Variants in DMXL2 observed in about 807,000 individuals in gnomAD.
DMXL2 encodes dmX-like protein 2.
In DMXL2, 103 loss-of-function variants were observed where a neutral mutation model predicts 331.1. The observed-to-expected ratio is 0.31, with a 90% CI of 0.27 to 0.37. The LOEUF (loss-of-function observed/expected upper bound fraction) is 0.37. DMXL2 is among the 10% of genes least tolerant of loss of function. The pLI is 1.00. For synonymous variants in DMXL2, 1,281 were observed against 1,252.1 expected, an observed-to-expected ratio of 1.02 and a Z score of -0.49; for missense variants, 3,171 against 3,642.9, an observed-to-expected ratio of 0.87 and a Z score of 3.33.
chr15:51,579,217 T>G (rs1300593393), intron 1 of DMXL2, among the ~76,000 whole-genome samples: 2 of 152,196 alleles, frequency 1.3e-5, no homozygotes, highest in African/African-American at 2.4e-5. Flanking sequence ...TGGTGCTAGT[T>G]TCCTGTTGAA....
intron 1 of DMXL2, among the ~76,000 whole-genome samples, chr15:51,598,731 C>A (rs1037493777): frequency 1.8e-4 from 28 of 152,144 alleles, no homozygotes; most frequent in Admixed American, 6.5e-5. Flanking sequence ...TAGCAATGTT[C>A]TTATTGCATT....
At chr15:51,456,004 C>T in intron 39 of DMXL2, 62 bp downstream of exon 39, 1 of 1,584,572 alleles carries the variant, frequency 6.3e-7, no homozygotes, top group Non-Finnish European at 8.6e-7. Context: ...ACTTTTATCA[C>T]TTACTCCTAA....
chr15:51,482,207 G>C (rs1306076774), intron 23 of DMXL2, among the ~76,000 whole-genome samples: 1 of 152,076 alleles, frequency 6.6e-6, no homozygotes, highest in Non-Finnish European at 1.5e-5. Flanking sequence ...ACTCTAAAAA[G>C]TGAGTTAAAA....
At chr15:51,516,295 G>A (rs2047032219) in intron 14 of DMXL2, among the ~76,000 whole-genome samples, 1 of 152,188 alleles carries the variant, frequency 6.6e-6, no homozygotes, top group Non-Finnish European at 1.5e-5. Flanking sequence ...CTAGGGAGAA[G>A]GGTTCTCCTT....
intron 3 of DMXL2, among the ~76,000 whole-genome samples, chr15:51,566,442 T>C (rs2050297650): frequency 6.6e-6 from 1 of 152,158 alleles, no homozygotes; most frequent in Non-Finnish European, 1.5e-5. Context: ...ATTAAATAAT[T>C]CCTAAAATTA....
intron 13 of DMXL2, among the ~76,000 whole-genome samples, chr15:51,517,832 G>A (rs2047121628): frequency 6.6e-6 from 1 of 152,198 alleles, no homozygotes; most frequent in Non-Finnish European, 1.5e-5. Flanking sequence ...GTACAAGGTA[G>A]GGAGATATAA....
chr15:51,491,691 T>A lies in DMXL2; in HGVS notation c.4840A>T (p.Ile1614Phe), dbSNP rs1431258097. 8 of 1,613,448 alleles carry A rather than the reference T, an allele frequency of 5.0e-6. No individual in the cohort carries two copies. Among genetic ancestry groups the A allele is most frequent in the Non-Finnish European group, 6.8e-6 (8 of 1,179,860 alleles). ...CTCTGAATTGCTGGAATCATATTAA[T>A]CAGTTCTTCTTCAGCCTCAGAATGA... ...AFHSEAEEEL[I>F]NMIPAIQRGD... Residue 1614 changes from isoleucine to phenylalanine, a missense_variant, in exon 20 of 44, where the codon ATT becomes TTT. By Grantham distance (21) the Ile-to-Phe change is conservative. This residue lies in a region of DMXL2 where 252 missense variants were observed against 387.4 expected (regional missense o/e 0.65). Coordinates refer to ENST00000560891, the MANE Select transcript of DMXL2 (RefSeq NM_001378457.1).
Position 51,491,743 on chromosome 15 carries a change from G to A in DMXL2, c.4788C>T (p.Val1596=). The part of the protein sequence containing the change: ...LYRVQLLHQG[V]STCHFAWAFH... ...AAGCCCAGGCAAAATGGCATGTAGA[G>A]ACACCTAAATTGGAAATATAAAATA... Residue 1596 remains valine (V), a synonymous_variant, in exon 20 of 44, where the codon GTC becomes GTT. Transcript: ENST00000560891. 6.3e-7 allele frequency: 1 copy of A among 1,591,878 alleles called. No individual in the cohort carries two copies. The highest frequency in any genetic ancestry group is 2.2e-5 in the East Asian group (1 of 44,606).
chr15:51,569,218 T>A (rs576373321), intron 2 of DMXL2, among the ~76,000 whole-genome samples: 19 of 152,248 alleles, frequency 1.2e-4, no homozygotes, highest in Admixed American at 9.2e-4. Flanking sequence ...TATCACAGCA[T>A]CTGAGGTTGA....
chr15:51,466,189 G>A lies in DMXL2; in HGVS notation c.7515C>T (p.Ser2505=). The A allele has an allele frequency of 6.4e-7, 1 of 1,556,684 alleles. No individual in the cohort carries two copies. Residue 2505 remains serine, a synonymous_variant, in exon 30 of 44, where the codon TCC becomes TCT. Coordinates refer to ENST00000560891, the MANE Select transcript of DMXL2 (RefSeq NM_001378457.1). ...GAAAGAAAAGTCTTATTTACCTATA[G>A]GAATTTGGATCTTGGTGCTCCTGTA... ...TQIQEHQDPN[S]YSWALLHLTM...
intron 1 of DMXL2, among the ~76,000 whole-genome samples, chr15:51,607,680 C>T (rs1381896608): frequency 1.3e-5 from 2 of 152,008 alleles, no homozygotes; most frequent in African/African-American, 4.8e-5. Context: ...ATAGACCAAA[C>T]ACAGCAAAAC....
At chr15:51,576,205 T>TAAAAAAAAAAAAAAAAAAAAAAAA (rs1209300859) in intron 1 of DMXL2, 24 bp from the exon 2 acceptor site, 1 of 693,258 alleles carries the variant, frequency 1.4e-6, no homozygotes, top group African/African-American at 3.8e-5. Flanking sequence ...AAAAAAAAAG[T>TAAAAAAAAAAAAAAAAAAAAAAAA]TTTACAATAC....
intron 14 of DMXL2, among the ~76,000 whole-genome samples, chr15:51,515,681 C>T (rs1359374553): frequency 2.0e-5 from 3 of 151,962 alleles, no homozygotes; most frequent in African/African-American, 4.8e-5. Flanking sequence ...GTTTACCAGC[C>T]CCTGTGTTAA....
rs1302933024 is a variant in DMXL2, at chr15:51,545,855, C to A, written c.747-89G>T. ...TTTGGTTCTTCATGCATAAAGATAA[C>A]ATTAGTGCAAAACACTATGGAAAAA... On this transcript the variant is annotated intron_variant, in intron 7 of 43. Transcript: ENST00000560891. 4 of 1,071,282 alleles carry A rather than the reference C, an allele frequency of 3.7e-6. No homozygotes were observed. The African/African-American group carries it at 4.8e-5, about 13-fold the overall frequency. The allele number at this position is 1,071,282 out of a possible 1,614,324, so 66.4% of individuals were successfully genotyped here. A position where few individuals can be genotyped will look rare whatever the true frequency, so the allele number is the denominator to read the frequency against.
intron 13 of DMXL2, among the ~76,000 whole-genome samples, chr15:51,521,470 G>GTA (rs1430786515): frequency 0.011 from 1,710 of 148,872 alleles, 37 homozygotes; most frequent in African/African-American, 0.04. Flanking sequence ...TAGTGGTAGT[G>GTA]GTAGTAGTAG....
At chr15:51,469,204 T>C (rs901923786) in intron 29 of DMXL2, among the ~76,000 whole-genome samples, 6 of 151,780 alleles carry the variant, frequency 4.0e-5, no homozygotes, top group South Asian at 4.1e-4. Context: ...TTTTTTTTTT[T>C]CAAAAATAAA....
intron 2 of DMXL2, among the ~76,000 whole-genome samples, chr15:51,574,551 T>C (rs2050887308): frequency 6.6e-6 from 1 of 152,152 alleles, no homozygotes; most frequent in Admixed American, 6.5e-5. Flanking sequence ...GAAAGCTACT[T>C]CAAATGACAC....
At chr15:51,518,121 T>C (rs2047139866) in intron 13 of DMXL2, among the ~76,000 whole-genome samples, 1 of 152,020 alleles carries the variant, frequency 6.6e-6, no homozygotes, top group African/African-American at 2.4e-5. Context: ...CTCCTGAGGT[T>C]AGGAGTTAAG....
intron 1 of DMXL2, among the ~76,000 whole-genome samples, chr15:51,597,578 A>C (rs1181566534): frequency 6.6e-6 from 1 of 152,216 alleles, no homozygotes; most frequent in Non-Finnish European, 1.5e-5. Flanking sequence ...CATTTTGCCT[A>C]TTACATACAA....
Sources: gnomAD v4.1 joint callset for allele counts (sites outside exome capture counted in the v4.1 genomes callset) on GRCh38, gnomAD v4.1.1 for gene constraint, gnomAD v4.1.1 regional missense constraint, MANE v1.5 for transcripts, NCBI Gene and HGNC (gene_info 2026-07-23, HGNC 2026-07-21) for gene names.